The following DLG2 variants were observed in gnomAD, a reference collection of about 807,000 sequenced individuals.
DLG2 encodes discs large MAGUK scaffold protein 2, also known as disks large homolog 2.
A neutral mutation model predicts 132.5 loss-of-function variants in DLG2; 45 were observed. That is an observed-to-expected ratio of 0.34 (90% confidence interval 0.27 to 0.44). The LOEUF (loss-of-function observed/expected upper bound fraction) is 0.44. Ranked by LOEUF, DLG2 falls within the 20% of genes least tolerant of loss-of-function variation. The pLI is 1.00. For synonymous variants in DLG2, 424 were observed against 419.6 expected (o/e 1.01, Z -0.13); for missense variants, 1,045 against 1,196.9 (o/e 0.87, Z 1.87).
chr11:84,192,265 C>A (rs2096425219), intron 8 of DLG2, among the ~76,000 whole-genome samples: 1 of 152,136 alleles, frequency 6.6e-6, no homozygotes, highest in Non-Finnish European at 1.5e-5. Context: ...TGACAGTTGG[C>A]CTCCACATAA....
chr11:84,835,454 T>C (rs1449704941), intron 6 of DLG2, among the ~76,000 whole-genome samples: 2 of 151,676 alleles, frequency 1.3e-5, no homozygotes, highest in Non-Finnish European at 3.0e-5. Context: ...TATAGAAAAA[T>C]TGGAGATCAA....
At chr11:83,705,995 G>A (rs748613610) in intron 18 of DLG2, among the ~76,000 whole-genome samples, 1 of 152,138 alleles carries the variant, frequency 6.6e-6, no homozygotes, top group African/African-American at 2.4e-5. Flanking sequence ...AAGGCTGGTG[G>A]ATCATGAAGT....
chr11:85,612,070 A>T (rs1818453215), intron 2 of DLG2, among the ~76,000 whole-genome samples: 1 of 152,244 alleles, frequency 6.6e-6, no homozygotes, highest in South Asian at 2.1e-4. Flanking sequence ...ACAGAAAGAA[A>T]TAGAAGTAGT....
intron 10 of DLG2, among the ~76,000 whole-genome samples, chr11:84,078,016 G>A (rs1321349064): frequency 6.6e-6 from 1 of 152,042 alleles, no homozygotes; most frequent in African/African-American, 2.4e-5. Context: ...ATGATTATTA[G>A]TGTTATGCAA....
At chr11:84,573,055 G>C (rs2099489554) in intron 6 of DLG2, among the ~76,000 whole-genome samples, 1 of 152,082 alleles carries the variant, frequency 6.6e-6, no homozygotes, top group Non-Finnish European at 1.5e-5. Flanking sequence ...AAATCTACTT[G>C]ACATATATTT....
At chr11:84,735,892 C>T (rs960715803) in intron 6 of DLG2, among the ~76,000 whole-genome samples, 2 of 151,846 alleles carry the variant, frequency 1.3e-5, no homozygotes, top group African/African-American at 2.4e-5. Context: ...CTTTTGAATA[C>T]CAGAAGTTTT....
intron 6 of DLG2, among the ~76,000 whole-genome samples, chr11:84,644,176 T>C (rs923311630): frequency 6.6e-5 from 10 of 152,158 alleles, no homozygotes; most frequent in African/African-American, 2.4e-4. Flanking sequence ...GAGATGGGTC[T>C]TTTCAAAGGT....
At chr11:83,720,286 C>A (rs1277252671) in intron 18 of DLG2, among the ~76,000 whole-genome samples, 1 of 34,730 alleles carries the variant, frequency 2.9e-5, no homozygotes, top group African/African-American at 8.2e-5. Context: ...GAGTGAGACT[C>A]CATCTCAGAA....
intron 7 of DLG2, among the ~76,000 whole-genome samples, chr11:84,269,645 G>A (rs1025638628): frequency 3.9e-5 from 6 of 152,138 alleles, no homozygotes; most frequent in African/African-American, 7.2e-5. Flanking sequence ...TTAATAAGCC[G>A]CATAACCTTC....
intron 6 of DLG2, among the ~76,000 whole-genome samples, chr11:84,658,414 G>A (rs966908409): frequency 3.3e-5 from 5 of 152,080 alleles, no homozygotes; most frequent in South Asian, 2.1e-4. Flanking sequence ...GCAGTGATTA[G>A]GTCATGAGGC....
chr11:84,396,552 T>C (rs944780651), intron 7 of DLG2, among the ~76,000 whole-genome samples: 1 of 152,226 alleles, frequency 6.6e-6, no homozygotes, highest in Admixed American at 6.5e-5. Context: ...CTCAATCTTT[T>C]AGATGTTTTG....
chr11:84,506,580 G>C (rs1279746192), intron 7 of DLG2, among the ~76,000 whole-genome samples: 1 of 152,112 alleles, frequency 6.6e-6, no homozygotes, highest in Non-Finnish European at 1.5e-5. Flanking sequence ...TTCCCTCAAG[G>C]CTTCAGAACA....
chr11:83,913,423 T>A lies in DLG2; in HGVS notation c.1496+16905A>T, dbSNP rs552563468. Among the ~76,000 whole-genome samples, 4 of 152,186 alleles carry A rather than the reference T, an allele frequency of 2.6e-5. No individual in the cohort carries two copies. In the East Asian group the frequency reaches 7.7e-4, roughly 29 times the overall value. ...TACTTTCCAGGCACATTGCTGGCACTAGGGATAGAGGAAATAATTAAAACA... is the reference window on the plus strand; with the variant it reads ...TACTTTCCAGGCACATTGCTGGCACAAGGGATAGAGGAAATAATTAAAACA... On this transcript the variant is annotated intron_variant, in intron 15 of 27. Coordinates refer to ENST00000376104, the MANE Select transcript of DLG2 (RefSeq NM_001142699.3).
chr11:84,182,751 G>A (rs1347231401), intron 8 of DLG2, among the ~76,000 whole-genome samples: 2 of 152,152 alleles, frequency 1.3e-5, no homozygotes, highest in South Asian at 2.1e-4. Context: ...GTAAAAGTTA[G>A]AGAAGATCAA....
chr11:84,344,185 G>A (rs979706474), intron 7 of DLG2, among the ~76,000 whole-genome samples: 1 of 152,166 alleles, frequency 6.6e-6, no homozygotes, highest in East Asian at 1.9e-4. Flanking sequence ...TGAAAAGGGA[G>A]GAGGTAAAGT....
chr11:84,295,306 T>C (rs2098074838), intron 7 of DLG2, among the ~76,000 whole-genome samples: 1 of 152,190 alleles, frequency 6.6e-6, no homozygotes, highest in South Asian at 2.1e-4. Flanking sequence ...TAATAGTATA[T>C]GAGAAATGCT....
chr11:83,974,604 T>C (rs778384125), intron 12 of DLG2, among the ~76,000 whole-genome samples: 1 of 150,846 alleles, frequency 6.6e-6, no homozygotes, highest in Non-Finnish European at 1.5e-5. Context: ...AGAATTGGGA[T>C]ACAAGTTGCA....
At chr11:84,587,899 G>T (rs185930776) in intron 6 of DLG2, among the ~76,000 whole-genome samples, 1 of 152,266 alleles carries the variant, frequency 6.6e-6, no homozygotes, top group East Asian at 1.9e-4. Flanking sequence ...ACTACTTCAT[G>T]CCTCCTTACA....
At chr11:84,905,024 C>T (rs1414261977) in intron 6 of DLG2, among the ~76,000 whole-genome samples, 1 of 152,088 alleles carries the variant, frequency 6.6e-6, no homozygotes, top group African/African-American at 2.4e-5. Flanking sequence ...TATAGGCGTG[C>T]ACCACCATGC....
Sources: allele counts gnomAD v4.1 joint callset (sites outside exome capture counted in the v4.1 genomes callset), GRCh38; gene constraint gnomAD v4.1.1; transcripts MANE v1.5; gene names NCBI Gene and HGNC (gene_info 2026-07-23, HGNC 2026-07-21).